ASAP1: variants seen among roughly 807,000 people sequenced by gnomAD.
The protein encoded by ASAP1 is ArfGAP with SH3 domain, ankyrin repeat and PH domain 1.
In ASAP1, 43 loss-of-function variants were observed where a neutral mutation model predicts 145.2. The ratio of observed to expected loss-of-function variants is 0.30; its 90% CI spans 0.23 to 0.38. The LOEUF is 0.38. Ranked by LOEUF, ASAP1 falls within the 10% of genes least tolerant of loss-of-function variation. The probability of loss-of-function intolerance (pLI) is 1.00; values close to 1 mark genes in which losing one functional copy is unlikely to be tolerated. For missense variants in ASAP1, 1,018 were observed against 1,355.3 expected (o/e 0.75, Z 3.91); for synonymous variants, 546 against 515.5 (o/e 1.06, Z -0.80).
intron 3 of ASAP1, among the ~76,000 whole-genome samples, chr8:130,317,408 T>C (rs559982694): frequency 7.2e-5 from 11 of 152,330 alleles, no homozygotes; most frequent in Admixed American, 2.6e-4. Flanking sequence ...TCAGGGTTTG[T>C]TGAAACTGTA....
chr8:130,434,698 G>A (rs984424262), intron 1 of ASAP1, among the ~76,000 whole-genome samples: 4 of 152,104 alleles, frequency 2.6e-5, no homozygotes, highest in South Asian at 2.1e-4. Context: ...AGGAGGAGCC[G>A]CAAAGAACAG....
chr8:130,077,130 T>C (rs1184133724), intron 26 of ASAP1, among the ~76,000 whole-genome samples: 1 of 152,194 alleles, frequency 6.6e-6, no homozygotes, highest in African/African-American at 2.4e-5. Context: ...AATTCGGCCC[T>C]AGCTCCCCTG....
intron 3 of ASAP1, among the ~76,000 whole-genome samples, chr8:130,323,493 C>T (rs903380694): frequency 1.5e-4 from 23 of 152,192 alleles, no homozygotes; most frequent in Admixed American, 3.9e-4. Flanking sequence ...CAGATTTCCA[C>T]CTGCCAGTCC....
At chr8:130,310,721 G>GC (rs1313534091) in intron 3 of ASAP1, among the ~76,000 whole-genome samples, 12 of 151,728 alleles carry the variant, frequency 7.9e-5, no homozygotes, top group African/African-American at 2.9e-4. Context: ...TATTGAGCAA[G>GC]CATGTTAAAC....
At chr8:130,383,875 C>G (rs1192510427) in intron 2 of ASAP1, among the ~76,000 whole-genome samples, 1 of 152,126 alleles carries the variant, frequency 6.6e-6, no homozygotes, top group African/African-American at 2.4e-5. Flanking sequence ...ATTTCTCCCA[C>G]AGAGGTGAAA....
chr8:130,092,391 C>T (rs922936405), intron 24 of ASAP1, among the ~76,000 whole-genome samples: 1 of 151,852 alleles, frequency 6.6e-6, no homozygotes. Context: ...CTGTAGAAAG[C>T]TGAGGTGGGA....
At chr8:130,237,678 G>A (rs1818295499) in intron 3 of ASAP1, among the ~76,000 whole-genome samples, 1 of 151,936 alleles carries the variant, frequency 6.6e-6, no homozygotes, top group Non-Finnish European at 1.5e-5. Flanking sequence ...GGAGTCTATT[G>A]TTGTTGATTC....
intron 26 of ASAP1, among the ~76,000 whole-genome samples, chr8:130,077,998 T>C (rs2097467869): frequency 6.6e-6 from 1 of 151,810 alleles, no homozygotes; most frequent in Non-Finnish European, 1.5e-5. Context: ...AAAACTTTTT[T>C]TTTTTTTTTT....
rs1288501710 is a variant in ASAP1, at chr8:130,188,122, T to C, written c.467A>G (p.Lys156Arg). 1 of 1,613,156 alleles carries C rather than the reference T, an allele frequency of 6.2e-7. No individual in the cohort carries two copies. The highest frequency in any genetic ancestry group is 2.2e-5 in the East Asian group (1 of 44,892). Residue 156 changes from lysine (K) to arginine (R), a missense_variant, in exon 6 of 30, where the codon AAG (lysine) becomes AGG (arginine). This residue lies in a region of ASAP1 where 78 missense variants were observed against 161.0 expected (regional missense o/e 0.48). Coordinates refer to ENST00000518721, the MANE Select transcript of ASAP1 (RefSeq NM_018482.4). ...TLDSLLKGDL[K>R]GVKGDLKKPF... ...CTGAACACTTACTCCTTTGACTCCC[T>C]TTAGGTCTCCTTTTAACAAAGAATC...
At chr8:130,157,436 C>T (rs964589733) in intron 12 of ASAP1, among the ~76,000 whole-genome samples, 9 of 152,178 alleles carry the variant, frequency 5.9e-5, no homozygotes, top group African/African-American at 1.7e-4. Flanking sequence ...TTCCCCTGGC[C>T]TCATCATCAG....
At chr8:130,147,198 CAAAAAAAAA>C (rs559149769) in intron 13 of ASAP1, among the ~76,000 whole-genome samples, 3 of 63,338 alleles carry the variant, frequency 4.7e-5, no homozygotes, top group Admixed American at 2.6e-4. Flanking sequence ...AATGCAGTCT[CAAAAAAAAA>C]AAAAAAAAAA....
Position 130,072,824 on chromosome 8 carries a change from T to TGTGTGTGTGTGTGTGTGTGTGCGCGCGC in ASAP1, c.2701+3523_2701+3524insGCGCGCGCACACACACACACACACACAC. On this transcript the variant is annotated intron_variant, in intron 27 of 29. Transcript: ENST00000518721. ...GTGTGTGTGTGTGTGTGTGTGTGTG[T>TGTGTGTGTGTGTGTGTGTGTGCGCGCGC]GCGCGCGGGGGGGGGCAGTTTTGGG... Among the ~76,000 whole-genome samples, 38 of 32,304 alleles carry TGTGTGTGTGTGTGTGTGTGTGCGCGCGC rather than the reference T, an allele frequency of 1.2e-3. 3 individuals are homozygous for TGTGTGTGTGTGTGTGTGTGTGCGCGCGC. Among genetic ancestry groups the TGTGTGTGTGTGTGTGTGTGTGCGCGCGC allele is most frequent in the South Asian group, 1.7e-3 (1 of 588 alleles). The allele number at this position is 32,304 out of a possible 152,430, so 21.2% of individuals were successfully genotyped here.
chr8:130,091,454 G>A (rs1027898279), intron 25 of ASAP1, among the ~76,000 whole-genome samples: 7 of 152,148 alleles, frequency 4.6e-5, no homozygotes, highest in African/African-American at 1.7e-4. Flanking sequence ...GTGAAAGAAG[G>A]CCAGCCCTGA....
chr8:130,198,560 A>G (rs1815664630), intron 5 of ASAP1, among the ~76,000 whole-genome samples: 4 of 152,194 alleles, frequency 2.6e-5, no homozygotes, highest in Admixed American at 6.5e-5. Context: ...ATCTAGGCAG[A>G]ACAGCATGAA....
chr8:130,054,425 C>T lies in ASAP1; in HGVS notation c.*306G>A, dbSNP rs547234128. 4 of 236,840 alleles carry T rather than the reference C, an allele frequency of 1.7e-5. No homozygotes were observed. In the South Asian group the frequency reaches 2.1e-4, roughly 13 times the overall value. The allele number at this position is 236,840 out of a possible 1,614,324, so 14.7% of individuals were successfully genotyped here. A position where few individuals can be genotyped will look rare whatever the true frequency, so the allele number is the denominator to read the frequency against. On this transcript the variant is annotated 3_prime_UTR_variant, in exon 30 of 30. Transcript: ENST00000518721. The stretch of plus-strand genomic sequence containing the variant: ...CTGGAGACCACTTCTATTTGCAAAG[C>T]CAGCAGTTCCTATACTCCTATTTTT...
intron 18 of ASAP1, among the ~76,000 whole-genome samples, chr8:130,121,426 C>T (rs1053538952): frequency 1.3e-5 from 2 of 152,146 alleles, no homozygotes; most frequent in African/African-American, 4.8e-5. Flanking sequence ...TGAGTATCTC[C>T]AGACATTGCC....
Position 130,167,622 on chromosome 8 carries a change from T to C in ASAP1, c.823A>G (p.Ile275Val), listed in dbSNP as rs2097682612. The part of the protein sequence containing the change: ...IEKLAADLYN[I>V]KQTQDEEKKQ... ...TTTTCTTCATCCTGGGTCTGTTTTATCTATGAAAAAAAAATTACTTCTATT... is the reference window on the plus strand; with the variant it reads ...TTTTCTTCATCCTGGGTCTGTTTTACCTATGAAAAAAAAATTACTTCTATT... The change falls in exon 11 of 30, where the codon ATA becomes GTA. Residue 275 changes from isoleucine (I) to valine (V), a missense_variant and splice_region_variant. Coordinates refer to ENST00000518721, the MANE Select transcript of ASAP1 (RefSeq NM_018482.4). The C allele has an allele frequency of 1.2e-6, 2 of 1,604,338 alleles. No homozygotes were observed. Among genetic ancestry groups the C allele is most frequent in the African/African-American group, 1.4e-5 (1 of 73,162 alleles).
At chr8:130,126,980 C>T (rs947632059) in intron 16 of ASAP1, among the ~76,000 whole-genome samples, 34 of 152,256 alleles carry the variant, frequency 2.2e-4, no homozygotes, top group Middle Eastern at 3.4e-3. Flanking sequence ...ACATTGGGAT[C>T]TTGCTCACAG....
At chr8:130,159,683 G>A (rs2097665239) in intron 12 of ASAP1, among the ~76,000 whole-genome samples, 181 bp downstream of exon 12, 1 of 152,052 alleles carries the variant, frequency 6.6e-6, no homozygotes, top group African/African-American at 2.4e-5. Context: ...GGACCACAGA[G>A]CAATTACTGT....
Sources: gnomAD v4.1 joint callset for allele counts (sites outside exome capture counted in the v4.1 genomes callset) on GRCh38, gnomAD v4.1.1 for gene constraint, gnomAD v4.1.1 regional missense constraint, MANE v1.5 for transcripts, NCBI Gene and HGNC (gene_info 2026-07-23, HGNC 2026-07-21) for gene names.